The following KCNH1 variants were observed in gnomAD, a reference collection of about 807,000 sequenced individuals.
KCNH1 encodes voltage-gated delayed rectifier potassium channel KCNH1.
In KCNH1, 27 loss-of-function variants were observed where a neutral mutation model predicts 69.2. That is an observed-to-expected ratio of 0.39 (90% CI 0.29 to 0.54). The LOEUF is 0.54. Among genes scored for constraint, KCNH1 ranks in the 20% least tolerant of loss-of-function variants. The probability of loss-of-function intolerance (pLI) is 0.68; values close to 1 mark genes in which losing one functional copy is unlikely to be tolerated. For missense variants in KCNH1, 798 were observed against 1,261.6 expected (o/e 0.63, Z 5.57); for synonymous variants, 456 against 487.7 (o/e 0.93, Z 0.86).
At chr1:211,032,746 T>C (rs1689812979) in intron 5 of KCNH1, among the ~76,000 whole-genome samples, 1 of 152,212 alleles carries the variant, frequency 6.6e-6, no homozygotes, top group Admixed American at 6.5e-5. Flanking sequence ...CCTTACACCT[T>C]ATACGAACAT....
intron 10 of KCNH1, among the ~76,000 whole-genome samples, chr1:210,717,051 C>CTGAT (rs769380951): frequency 9.2e-5 from 14 of 152,162 alleles, no homozygotes; most frequent in African/African-American, 3.1e-4. Context: ...TCACCACATA[C>CTGAT]TGATTAATTT....
intron 5 of KCNH1, among the ~76,000 whole-genome samples, chr1:211,055,859 G>A (rs1165167244): frequency 1.3e-5 from 2 of 152,160 alleles, no homozygotes; most frequent in African/African-American, 4.8e-5. Context: ...GTCCTGGTAG[G>A]CTTCACTATG....
At chr1:210,694,028 GAA>G (rs1377483216) in intron 10 of KCNH1, among the ~76,000 whole-genome samples, 1 of 152,148 alleles carries the variant, frequency 6.6e-6, no homozygotes, top group Non-Finnish European at 1.5e-5. Context: ...CTCAAAGGAG[GAA>G]AAGTCTTACA....
chr1:211,114,754 G>A (rs1357598437), intron 1 of KCNH1, among the ~76,000 whole-genome samples: 1 of 151,992 alleles, frequency 6.6e-6, no homozygotes, highest in Non-Finnish European at 1.5e-5. Flanking sequence ...ATGACTCTGG[G>A]ATTATTTACT....
At chr1:210,859,542 C>T in intron 7 of KCNH1, 2 of 1,590,820 alleles carry the variant, frequency 1.3e-6, no homozygotes, top group Non-Finnish European at 1.7e-6. Flanking sequence ...CCAGAATCTC[C>T]AAATATTCTT....
chr1:211,065,202 T>G (rs1470811234), intron 5 of KCNH1, among the ~76,000 whole-genome samples: 1 of 152,224 alleles, frequency 6.6e-6, no homozygotes, highest in Non-Finnish European at 1.5e-5. Context: ...TATTGCAACA[T>G]TATTCACAAT....
intron 7 of KCNH1, chr1:210,859,952 T>C (rs764566654): frequency 1.9e-4 from 295 of 1,579,810 alleles, no homozygotes; most frequent in Non-Finnish European, 3.4e-5. Context: ...TAGTTCAAAG[T>C]TCACTTGTCT....
chr1:210,836,693 G>T (rs1313489724), intron 7 of KCNH1, among the ~76,000 whole-genome samples: 1 of 152,192 alleles, frequency 6.6e-6, no homozygotes, highest in East Asian at 1.9e-4. Context: ...TGGAGCTGGG[G>T]TCTCATAGGA....
intron 7 of KCNH1, among the ~76,000 whole-genome samples, chr1:210,848,964 A>C (rs1276915610): frequency 6.6e-6 from 1 of 152,172 alleles, no homozygotes; most frequent in African/African-American, 2.4e-5. Context: ...AATGTACACA[A>C]CTAATTACAA....
chr1:210,869,572 C>T (rs4534454), intron 7 of KCNH1, among the ~76,000 whole-genome samples: 151,358 of 151,360 alleles, frequency 1, 75,678 homozygotes, highest in Non-Finnish European at 1. Flanking sequence ...CTGGACATTG[C>T]GCCTTCATAT....
intron 7 of KCNH1, among the ~76,000 whole-genome samples, chr1:210,864,460 G>A (rs890345222): frequency 2.6e-5 from 4 of 152,208 alleles, no homozygotes; most frequent in African/African-American, 7.2e-5. Context: ...AGAAAACAAA[G>A]GAGGAGGAAG....
chr1:210,749,398 T>C lies in KCNH1; in HGVS notation c.2112+25950A>G, dbSNP rs1683233341. ...GAGAAAACCTTGTATGGGGGAAACC[T>C]AACAGCAAAGAACAGACAGCATGAG... On this transcript the variant is annotated intron_variant, in intron 10 of 10. Transcript: ENST00000271751. 2.0e-5 allele frequency among the ~76,000 whole-genome samples: 3 copies of C among 152,122 alleles called. No homozygotes were observed. In the South Asian group the frequency reaches 6.2e-4, roughly 32 times the overall value.
intron 6 of KCNH1, among the ~76,000 whole-genome samples, chr1:210,993,814 G>T (rs1688975730): frequency 6.6e-6 from 1 of 152,024 alleles, no homozygotes; most frequent in Admixed American, 6.6e-5. Context: ...GTAACTCTGG[G>T]ATCTCAAGTG....
At chr1:210,785,320 G>T (rs987512334) in intron 9 of KCNH1, among the ~76,000 whole-genome samples, 10 of 151,962 alleles carry the variant, frequency 6.6e-5, no homozygotes, top group African/African-American at 2.4e-4. Context: ...AAGACACCTG[G>T]TTGAGCTGGG....
intron 5 of KCNH1, among the ~76,000 whole-genome samples, chr1:211,064,768 A>G (rs1690498368): frequency 6.6e-6 from 1 of 152,162 alleles, no homozygotes; most frequent in African/African-American, 2.4e-5. Flanking sequence ...CAAAATAAAT[A>G]AGGCACTCAA....
chr1:210,864,106 A>G (rs1686050383), intron 7 of KCNH1, among the ~76,000 whole-genome samples: 1 of 152,216 alleles, frequency 6.6e-6, no homozygotes, highest in Non-Finnish European at 1.5e-5. Flanking sequence ...AGAGGGTTTG[A>G]CTGGATCCCC....
chr1:210,911,537 C>T (rs1005092469), intron 7 of KCNH1, among the ~76,000 whole-genome samples: 2 of 149,662 alleles, frequency 1.3e-5, no homozygotes. Flanking sequence ...TGCACATGTA[C>T]CCTAAAACTT....
intron 7 of KCNH1, among the ~76,000 whole-genome samples, chr1:210,851,856 C>A (rs12069980): frequency 6.6e-6 from 1 of 152,096 alleles, no homozygotes; most frequent in African/African-American, 2.4e-5. Context: ...CCATCCTTTA[C>A]GCGGTTTGTT....
At chr1:211,017,192 C>T (rs11588573) in intron 6 of KCNH1, among the ~76,000 whole-genome samples, 63,872 of 151,946 alleles carry the variant, frequency 0.42, 14,427 homozygotes, top group African/African-American at 0.57. Flanking sequence ...GAAGAGCTAC[C>T]CTTCACTGGA....
Sources: allele counts gnomAD v4.1 joint callset (sites outside exome capture counted in the v4.1 genomes callset), GRCh38; gene constraint gnomAD v4.1.1; transcripts MANE v1.5; gene names NCBI Gene and HGNC (gene_info 2026-07-23, HGNC 2026-07-21).